Variants in KRCC1 observed in about 807,000 individuals in gnomAD.
KRCC1 encodes lysine rich coiled-coil 1, also known as lysine-rich coiled-coil protein 1.
A neutral mutation model predicts 7.4 loss-of-function variants in KRCC1; 3 were observed. The observed-to-expected ratio is 0.40, with a 90% confidence interval of 0.18 to 1.04. The LOEUF (loss-of-function observed/expected upper bound fraction) is 1.04. Ranked by LOEUF, KRCC1 falls within the 50% of genes least tolerant of loss-of-function variation. The pLI is 0.33. For synonymous variants in KRCC1, 102 were observed against 101.6 expected (o/e 1.00, Z -0.02); for missense variants, 277 against 300.9 (o/e 0.92, Z 0.59).
rs1373165795 is a variant in KRCC1, at chr2:88,032,358, T to A, written c.-23+1776A>T. 2.6e-5 allele frequency among the ~76,000 whole-genome samples: 4 copies of A among 152,130 alleles called. No individual in the cohort carries two copies. The East Asian group carries it at 7.7e-4, about 29-fold the overall frequency. On this transcript the variant is annotated intron_variant, in intron 3 of 3. Coordinates refer to ENST00000347055, the MANE Select transcript of KRCC1 (RefSeq NM_016618.3). ...ATACCACATTTTTACTGTGTCTTTT[T>A]GTTTAGATAGGTTTAGATACACAAA...
chr2:88,053,216 G>A (rs755116078), intron 1 of KRCC1, among the ~76,000 whole-genome samples: 4 of 151,814 alleles, frequency 2.6e-5, no homozygotes, highest in Non-Finnish European at 5.9e-5. Flanking sequence ...GACTTACTCA[G>A]GGTCATTTAG....
Position 88,028,442 on chromosome 2 carries a change from A to G in KRCC1, c.122T>C (p.Leu41Ser). Residue 41 changes from leucine to serine, a missense_variant, in exon 4 of 4, where the codon TTG (leucine) becomes TCG (serine). Leu to Ser is a moderately radical substitution (Grantham distance 145). Transcript: ENST00000347055. ...TCFRKMKGDY[L>S]ETCGYKGEVN... ...CTCTCCTTTGTACCCACAGGTTTCC[A>G]AATAGTCCCCTTTCATCTTTCTGAA... The G allele has an allele frequency of 6.2e-7, 1 of 1,614,162 alleles. No homozygotes were observed. Among genetic ancestry groups the G allele is most frequent in the Non-Finnish European group, 8.5e-7 (1 of 1,180,022 alleles).
Position 88,028,502 on chromosome 2 carries a change from A to T in KRCC1, c.62T>A (p.Val21Glu). The change falls in exon 4 of 4, where the codon GTA (valine) becomes GAA (glutamate). Residue 21 changes from valine (V) to glutamate (E), a missense_variant. By Grantham distance (121) the Val-to-Glu change is moderately radical (BLOSUM62 -2). Transcript: ENST00000347055. Reference sequence around the variant, plus strand: ...TGGCTCTAAGCCTCTGGCTTTCTGTACTTTAATATAATCTTCAAGTTCATC... The same window carrying T: ...TGGCTCTAAGCCTCTGGCTTTCTGTTCTTTAATATAATCTTCAAGTTCATC... ...FQDELEDYIKVQKARGLEPKT... is the reference protein window; with the variant it reads ...FQDELEDYIKEQKARGLEPKT... The T allele has an allele frequency of 6.2e-7, 1 of 1,613,220 alleles. No individual in the cohort carries two copies.
At chr2:88,051,613 C>A (rs538145535) in intron 1 of KRCC1, among the ~76,000 whole-genome samples, 2 of 152,172 alleles carry the variant, frequency 1.3e-5, no homozygotes, top group South Asian at 4.1e-4. Context: ...AAGATATTTA[C>A]CGGAAGTAAA....
chr2:88,045,652 T>C (rs1673312865), intron 1 of KRCC1, among the ~76,000 whole-genome samples: 1 of 152,056 alleles, frequency 6.6e-6, no homozygotes, highest in African/African-American at 2.4e-5. Context: ...AGTGGTTTCA[T>C]GGGAGCATAC....
At chr2:88,042,492 C>T (rs894784022) in intron 1 of KRCC1, among the ~76,000 whole-genome samples, 3 of 149,640 alleles carry the variant, frequency 2.0e-5, no homozygotes, top group Non-Finnish European at 4.4e-5. Flanking sequence ...GATCATAGCT[C>T]GCTGCAGCCT....
At chr2:88,038,798 C>T (rs1045285904) in intron 1 of KRCC1, among the ~76,000 whole-genome samples, 3 of 152,204 alleles carry the variant, frequency 2.0e-5, no homozygotes, top group East Asian at 1.9e-4. Flanking sequence ...CATCAGATTT[C>T]GGGAGAACTC....
At chr2:88,038,275 C>A (rs918536075) in intron 1 of KRCC1, among the ~76,000 whole-genome samples, 1 of 152,164 alleles carries the variant, frequency 6.6e-6, no homozygotes, top group African/African-American at 2.4e-5. Flanking sequence ...AGGATGGTGA[C>A]ATCCAGACCT....
intron 3 of KRCC1, among the ~76,000 whole-genome samples, chr2:88,029,835 A>T (rs1464375449): frequency 9.4e-5 from 6 of 64,126 alleles, no homozygotes; most frequent in Non-Finnish European, 2.0e-4. Context: ...TATATATATA[A>T]AAAAATATAT....
At position 88,037,015 on chromosome 2, in the gene KRCC1, T is replaced by C. The variant is rs1673105090; in HGVS notation, c.-254A>G. The C allele has an allele frequency of 1.3e-5, 2 of 152,176 alleles. No homozygotes were observed. The highest frequency in any genetic ancestry group is 1.3e-4 in the Admixed American group (2 of 15,276). 9.4% of individuals were successfully genotyped at this position (152,176 alleles called of 1,614,324 possible). Reference sequence around the variant, plus strand: ...AGACATCTTTTATAAAAGGTATCTGTAAACAAAGTTCAGTCTTTGTTCATT... The same window carrying C: ...AGACATCTTTTATAAAAGGTATCTGCAAACAAAGTTCAGTCTTTGTTCATT... On this transcript the variant is annotated 5_prime_UTR_variant, in exon 2 of 4. Transcript: ENST00000347055.
At chr2:88,038,314 G>A (rs1489419918) in intron 1 of KRCC1, among the ~76,000 whole-genome samples, 1 of 152,164 alleles carries the variant, frequency 6.6e-6, no homozygotes, top group Non-Finnish European at 1.5e-5. Flanking sequence ...ATATTTGCTG[G>A]GAGGAAGACA....
intron 3 of KRCC1, among the ~76,000 whole-genome samples, chr2:88,031,836 A>G (rs991752080): frequency 1.3e-5 from 2 of 151,978 alleles, no homozygotes; most frequent in African/African-American, 4.8e-5. Flanking sequence ...TAAAACAAGA[A>G]AAATTTTTAA....
In KRCC1 at chr2:88,028,039, C is replaced by T. The variant is rs953072484; in HGVS notation, c.525G>A (p.Arg175=). The change falls in exon 4 of 4, where the codon CGG becomes CGA. Residue 175 remains arginine, a synonymous_variant. Coordinates refer to ENST00000347055, the MANE Select transcript of KRCC1 (RefSeq NM_016618.3). Reference sequence around the variant, plus strand: ...AGCTTTTTTTTCTCTTATGCTTAGACCGCTCCTCCTCTGATTTTTCTCTGC... The same window carrying T: ...AGCTTTTTTTTCTCTTATGCTTAGATCGCTCCTCCTCTGATTTTTCTCTGC... ...EEGREKSEEE[R]SKHKRKKSCE... The T allele has an allele frequency of 1.2e-6, 2 of 1,613,904 alleles. No homozygotes were observed. The highest frequency in any genetic ancestry group is 1.7e-6 in the Non-Finnish European group (2 of 1,180,034).
chr2:88,044,256 T>TA (rs938264222), intron 1 of KRCC1, among the ~76,000 whole-genome samples: 58 of 152,104 alleles, frequency 3.8e-4, no homozygotes, highest in African/African-American at 1.2e-3. Flanking sequence ...ATCTCTCCAT[T>TA]AAAAAAATGG....
rs1672887250 is a variant in KRCC1, at chr2:88,027,370, A to C, written c.*414T>G. 6.3e-6 allele frequency: 1 copy of C among 158,578 alleles called. No homozygotes were observed. The highest frequency in any genetic ancestry group is 2.4e-5 in the African/African-American group (1 of 41,644). 9.8% of individuals were successfully genotyped at this position (158,578 alleles called of 1,614,324 possible). A position where few individuals can be genotyped will look rare whatever the true frequency, so the allele number is the denominator to read the frequency against. On this transcript the variant is annotated 3_prime_UTR_variant, in exon 4 of 4. Coordinates refer to ENST00000347055, the MANE Select transcript of KRCC1 (RefSeq NM_016618.3). Reference sequence around the variant, plus strand: ...TGCAAGTTAGATCTAATAAAGGAGAAAAAAATTGCTTCACAGAGAAAAACC... The same window carrying C: ...TGCAAGTTAGATCTAATAAAGGAGACAAAAATTGCTTCACAGAGAAAAACC...
chr2:88,046,981 T>C (rs1673350882), intron 1 of KRCC1, among the ~76,000 whole-genome samples: 2 of 152,152 alleles, frequency 1.3e-5, no homozygotes, highest in Admixed American at 1.3e-4. Context: ...GCCAGGTCTT[T>C]ATTTCAGTAA....
chr2:88,053,231 A>G (rs944075071), intron 1 of KRCC1, among the ~76,000 whole-genome samples: 4 of 152,160 alleles, frequency 2.6e-5, no homozygotes, highest in Non-Finnish European at 5.9e-5. Context: ...ATTTAGCTGT[A>G]GGAGAAACTA....
intron 3 of KRCC1, among the ~76,000 whole-genome samples, chr2:88,029,910 C>A (rs1260796749): frequency 6.7e-6 from 1 of 148,810 alleles, no homozygotes; most frequent in African/African-American, 2.5e-5. Context: ...TTCAATGGCA[C>A]GATCTCGTCT....
At chr2:88,054,188 G>A (rs1393794284) in intron 1 of KRCC1, among the ~76,000 whole-genome samples, 1 of 152,170 alleles carries the variant, frequency 6.6e-6, no homozygotes, top group Non-Finnish European at 1.5e-5. Context: ...AACTGCAAAA[G>A]CTCTCCCCAT....
Sources: gnomAD v4.1 joint callset for allele counts (sites outside exome capture counted in the v4.1 genomes callset) on GRCh38, gnomAD v4.1.1 for gene constraint, MANE v1.5 for transcripts, NCBI Gene and HGNC (gene_info 2026-07-23, HGNC 2026-07-21) for gene names.